PIAS2: variants seen among roughly 807,000 people sequenced by gnomAD.
PIAS2 encodes the protein E3 SUMO-protein ligase PIAS2.
PIAS2 carries 19 observed loss-of-function variants against 69.7 expected under a neutral mutation model. That is an observed-to-expected ratio of 0.27 (90% CI 0.19 to 0.40). The LOEUF (loss-of-function observed/expected upper bound fraction) is 0.40, where lower values mean the gene tolerates loss of function less well. Among genes scored for constraint, PIAS2 ranks in the 10% least tolerant of loss-of-function variants. The pLI is 1.00. For synonymous variants in PIAS2, 261 were observed against 263.2 expected (o/e 0.99, Z 0.08); for missense variants, 624 against 757.0 (o/e 0.82, Z 2.06).
intron 2 of PIAS2, among the ~76,000 whole-genome samples, chr18:46,873,332 T>C (rs1054240502): frequency 2.6e-5 from 4 of 152,190 alleles, no homozygotes; most frequent in Non-Finnish European, 4.4e-5. Flanking sequence ...GCCCTGGGCG[T>C]AAATGTTTAG....
chr18:46,883,718 T>C (rs2052675568), intron 2 of PIAS2, among the ~76,000 whole-genome samples: 1 of 152,150 alleles, frequency 6.6e-6, no homozygotes, highest in African/African-American at 2.4e-5. Context: ...GGTGCATGCC[T>C]GTAGTCACAG....
At chr18:46,842,303 G>T (rs1229383931) in intron 8 of PIAS2, among the ~76,000 whole-genome samples, 3 of 142,246 alleles carry the variant, frequency 2.1e-5, no homozygotes, top group Non-Finnish European at 4.6e-5. Flanking sequence ...AATTTAAAAA[G>T]CCTGAGAATC....
chr18:46,868,688 C>T (rs2049869702), intron 2 of PIAS2, among the ~76,000 whole-genome samples: 1 of 152,184 alleles, frequency 6.6e-6, no homozygotes, highest in South Asian at 2.1e-4. Context: ...CACCCTTCTG[C>T]AGAAGTAAAT....
intron 2 of PIAS2, among the ~76,000 whole-genome samples, chr18:46,873,329 G>A (rs1447376952): frequency 3.9e-5 from 6 of 152,198 alleles, no homozygotes; most frequent in African/African-American, 1.4e-4. Context: ...AAGGCCCTGG[G>A]CGTAAATGTT....
intron 2 of PIAS2, among the ~76,000 whole-genome samples, chr18:46,879,004 G>T (rs12454951): frequency 0.056 from 8,566 of 152,262 alleles, 523 homozygotes; most frequent in African/African-American, 0.14. Context: ...AAATGGCTCA[G>T]TCTAGCCAAT....
intron 1 of PIAS2, among the ~76,000 whole-genome samples, chr18:46,895,596 G>A (rs1274047805): frequency 2.6e-5 from 4 of 152,242 alleles, no homozygotes; most frequent in African/African-American, 9.6e-5. Flanking sequence ...GCTTGAACCC[G>A]GGAAGTGGTG....
chr18:46,920,113 T>C (rs2058455506), upstream of PIAS2: 3 of 1,288,854 alleles, frequency 2.3e-6, no homozygotes, highest in Non-Finnish European at 3.0e-6. Flanking sequence ...TTCCTCAATG[T>C]GTAGCAGCTC....
At chr18:46,858,048 C>T (rs1055683635) in intron 3 of PIAS2, among the ~76,000 whole-genome samples, 24 of 151,928 alleles carry the variant, frequency 1.6e-4, no homozygotes, top group Non-Finnish European at 3.1e-4. Flanking sequence ...TCACAGGGGA[C>T]GTATGAATTG....
chr18:46,837,968 A>G (rs1167681959), intron 8 of PIAS2, among the ~76,000 whole-genome samples: 1 of 152,222 alleles, frequency 6.6e-6, no homozygotes, highest in Non-Finnish European at 1.5e-5. Flanking sequence ...GAATGAATGG[A>G]CATGGACTGG....
chr18:46,812,544 G>A lies in PIAS2; in HGVS notation c.1755C>T (p.Thr585=). 1 of 1,612,796 alleles carries A rather than the reference G, an allele frequency of 6.2e-7. No homozygotes were observed. Among genetic ancestry groups the A allele is most frequent in the South Asian group, 1.1e-5 (1 of 91,020 alleles). Residue 585 remains threonine (T), a synonymous_variant, in exon 14 of 14, where the codon ACC becomes ACT. Transcript: ENST00000585916. ...PLTASSTSVT[T]TSSHESSTHV... is the part of the protein sequence containing the mutation. ...GAGTACTGCTTTCATGGGAGCTGGT[G>A]GTGGTGACAGACGTACTGCTTGCTG...
intron 2 of PIAS2, among the ~76,000 whole-genome samples, chr18:46,886,883 T>G (rs1568740238): frequency 6.6e-6 from 1 of 152,138 alleles, no homozygotes; most frequent in South Asian, 2.1e-4. Flanking sequence ...ATAAAATACT[T>G]GCTCCTGTTA....
rs73957807 is a variant in PIAS2, at chr18:46,877,919, T to C, written c.499+12661A>G. Among the ~76,000 whole-genome samples, 1,000 of 152,346 alleles carry C rather than the reference T, an allele frequency of 6.6e-3. 9 individuals are homozygous for C. Among genetic ancestry groups the C allele is most frequent in the African/African-American group, 0.023 (962 of 41,572 alleles). ...TACACCACTATGTTTTGGAAGACTA[T>C]ATTATACAGCAACAGTAAATGAAAT... is the stretch of plus-strand genomic sequence containing the variant. On this transcript the variant is annotated intron_variant, in intron 2 of 13. Coordinates refer to ENST00000585916, the MANE Select transcript of PIAS2 (RefSeq NM_004671.5).
At chr18:46,842,739 C>A (rs1294031386) in intron 8 of PIAS2, among the ~76,000 whole-genome samples, 6 of 152,138 alleles carry the variant, frequency 3.9e-5, no homozygotes, top group Non-Finnish European at 1.5e-5. Flanking sequence ...ATAGAGCCTG[C>A]ACTCAGAGGA....
chr18:46,838,609 T>C (rs1045407123), intron 8 of PIAS2, among the ~76,000 whole-genome samples: 2 of 152,238 alleles, frequency 1.3e-5, no homozygotes, highest in Non-Finnish European at 2.9e-5. Context: ...CTTCTTATGA[T>C]ACATCTTTCT....
intron 2 of PIAS2, among the ~76,000 whole-genome samples, chr18:46,876,681 A>T (rs2051247797): frequency 6.7e-6 from 1 of 149,978 alleles, no homozygotes; most frequent in Non-Finnish European, 1.5e-5. Context: ...TTCAGGAATA[A>T]ATGATCCCTT....
At chr18:46,870,511 G>T (rs1259677968) in intron 2 of PIAS2, among the ~76,000 whole-genome samples, 1 of 148,776 alleles carries the variant, frequency 6.7e-6, no homozygotes, top group Non-Finnish European at 1.5e-5. Flanking sequence ...AGCTACTTGG[G>T]AGGCTGAGGC....
chr18:46,813,531 T>C (rs1261472980), intron 13 of PIAS2, among the ~76,000 whole-genome samples: 3 of 152,174 alleles, frequency 2.0e-5, no homozygotes, highest in Non-Finnish European at 4.4e-5. Flanking sequence ...ATGGTTTAAG[T>C]TTGTCATTAG....
At chr18:46,853,437 A>G (rs2145406011) in intron 5 of PIAS2, 1 of 152,336 alleles carries the variant, frequency 6.6e-6, no homozygotes, top group East Asian at 1.9e-4. Context: ...ACCCATTGGT[A>G]TCTTTCAGCT....
Position 46,806,314 on chromosome 18 carries a change from T to G in PIAS2, c.*6119A>C, listed in dbSNP as rs1215848211. 3 of 150,422 alleles carry G rather than the reference T, an allele frequency of 2.0e-5. No homozygotes were observed. Among genetic ancestry groups the G allele is most frequent in the African/African-American group, 7.3e-5 (3 of 41,032 alleles). The allele number at this position is 150,422 out of a possible 1,614,324, so 9.3% of individuals were successfully genotyped here. A position where few individuals can be genotyped will look rare whatever the true frequency, so the allele number is the denominator to read the frequency against. On this transcript the variant is annotated 3_prime_UTR_variant, in exon 14 of 14. Transcript: ENST00000585916. ...TTCCTCTGAGAAGCCATTGCAAGAA[T>G]GAGACATTCTTGGAAAATTCTTTGC...
Sources: gnomAD v4.1 joint callset for allele counts (sites outside exome capture counted in the v4.1 genomes callset) on GRCh38, gnomAD v4.1.1 for gene constraint, MANE v1.5 for transcripts, NCBI Gene and HGNC (gene_info 2026-07-23, HGNC 2026-07-21) for gene names.